The following MAN1A1 variants were observed in gnomAD, a reference collection of about 807,000 sequenced individuals.
MAN1A1 encodes the protein mannosidase alpha class 1A member 1.
A neutral mutation model predicts 70.8 loss-of-function variants in MAN1A1; 29 were observed. That is an observed-to-expected ratio of 0.41 (90% confidence interval 0.31 to 0.56). The LOEUF is 0.56. Among genes scored for constraint, MAN1A1 ranks in the 20% least tolerant of loss-of-function variants. MAN1A1 has a pLI of 0.29. For missense variants in MAN1A1, 747 were observed against 841.3 expected, an observed-to-expected ratio of 0.89 and a Z score of 1.39; for synonymous variants, 349 against 330.1, an observed-to-expected ratio of 1.06 and a Z score of -0.62.
At chr6:119,314,944 T>A (rs186435923) in intron 2 of MAN1A1, among the ~76,000 whole-genome samples, 315 of 152,302 alleles carry the variant, frequency 2.1e-3, no homozygotes, top group Non-Finnish European at 3.7e-3. Context: ...GGCCTGTCAC[T>A]AGATTTATGG....
chr6:119,348,342 A>C, intron 2 of MAN1A1, 121 bp downstream of exon 2: 1 of 981,916 alleles, frequency 1.0e-6, no homozygotes, highest in South Asian at 1.7e-5. Flanking sequence ...ACCTGGTGGA[A>C]GGGGCAAACC....
chr6:119,256,989 T>C (rs919617707), intron 5 of MAN1A1, among the ~76,000 whole-genome samples: 1 of 151,812 alleles, frequency 6.6e-6, no homozygotes, highest in African/African-American at 2.4e-5. Context: ...ATACAAACCA[T>C]AGGTAGAGAA....
intron 5 of MAN1A1, among the ~76,000 whole-genome samples, chr6:119,276,141 A>C (rs1394204106): frequency 1.3e-5 from 2 of 152,084 alleles, no homozygotes; most frequent in Non-Finnish European, 2.9e-5. Context: ...ATTTCCTCCA[A>C]ATCTTCCATG....
In MAN1A1 at chr6:119,324,411, T is replaced by TG. The variant is rs199511241; in HGVS notation, c.604-17420dup. ...GCAGTAGGCTATTGGTAGTTAAGTT[T>TG]GGGGGGGAATCGAAAGTTATACGCA... On this transcript the variant is annotated intron_variant, in intron 2 of 12. Coordinates refer to ENST00000368468, the MANE Select transcript of MAN1A1 (RefSeq NM_005907.4). 6.3e-3 allele frequency among the ~76,000 whole-genome samples: 956 copies of TG among 152,148 alleles called. 6 individuals are homozygous for TG. Among genetic ancestry groups the TG allele is most frequent in the African/African-American group, 0.022 (904 of 41,502 alleles).
At chr6:119,194,919 G>A (rs1554203157) in intron 8 of MAN1A1, among the ~76,000 whole-genome samples, 2 of 150,588 alleles carry the variant, frequency 1.3e-5, no homozygotes, top group African/African-American at 2.4e-5. Flanking sequence ...GGCAACCTCC[G>A]CCTCCCAGGT....
intron 6 of MAN1A1, 75 bp downstream of exon 6, chr6:119,248,185 T>G: frequency 2.1e-6 from 2 of 932,626 alleles, no homozygotes; most frequent in African/African-American, 1.7e-5. Flanking sequence ...TAATTATCTA[T>G]CTAATGTATA....
At chr6:119,202,928 G>T (rs962979827) in intron 7 of MAN1A1, among the ~76,000 whole-genome samples, 2 of 152,130 alleles carry the variant, frequency 1.3e-5, no homozygotes, top group African/African-American at 4.8e-5. Context: ...TGGTAATTAG[G>T]TTATGACGGT....
chr6:119,193,098 C>T (rs945082588), intron 9 of MAN1A1, among the ~76,000 whole-genome samples: 3 of 152,016 alleles, frequency 2.0e-5, no homozygotes, highest in South Asian at 2.1e-4. Flanking sequence ...AATTTTGGTT[C>T]GACATGTAAT....
chr6:119,331,570 CAT>C (rs10562938), intron 2 of MAN1A1, among the ~76,000 whole-genome samples: 24,983 of 117,832 alleles, frequency 0.21, 2,445 homozygotes, highest in South Asian at 0.26. Flanking sequence ...ACATATTATG[CAT>C]ATATATATAT....
At chr6:119,237,290 TAA>T (rs1406500556) in intron 6 of MAN1A1, among the ~76,000 whole-genome samples, 7 of 152,190 alleles carry the variant, frequency 4.6e-5, no homozygotes, top group African/African-American at 1.7e-4. Flanking sequence ...GAAAATGCCA[TAA>T]AAGAGTATCA....
chr6:119,298,185 C>T (rs182329654), intron 4 of MAN1A1, among the ~76,000 whole-genome samples: 3 of 152,204 alleles, frequency 2.0e-5, no homozygotes, highest in Non-Finnish European at 4.4e-5. Flanking sequence ...TTCATGGAGT[C>T]AATACTTAGG....
At chr6:119,312,230 A>G (rs1772729846) in intron 2 of MAN1A1, among the ~76,000 whole-genome samples, 1 of 152,148 alleles carries the variant, frequency 6.6e-6, no homozygotes, top group African/African-American at 2.4e-5. Flanking sequence ...TTAAAACTAC[A>G]CTTAGGGTTG....
chr6:119,305,362 G>T (rs1453875465), intron 3 of MAN1A1, among the ~76,000 whole-genome samples: 1 of 151,978 alleles, frequency 6.6e-6, no homozygotes, highest in East Asian at 1.9e-4. Flanking sequence ...AAGCAAAATG[G>T]AGTTATAATT....
At position 119,348,865 on chromosome 6, in the gene MAN1A1, C is replaced by G; in HGVS notation, c.201G>C (p.Lys67Asn). 1.3e-6 allele frequency: 2 copies of G among 1,530,390 alleles called. No individual in the cohort carries two copies. The highest frequency in any genetic ancestry group is 1.8e-6 in the Non-Finnish European group (2 of 1,140,708). The allele number at this position is 1,530,390 out of a possible 1,614,324, so 94.8% of individuals were successfully genotyped here. Reference sequence around the variant, plus strand: ...AGTGGAACAGGACCCCGCTGAGCAGCTTGGAGGAGTCTGGCAGGAAGAAGA... The same window carrying G: ...AGTGGAACAGGACCCCGCTGAGCAGGTTGGAGGAGTCTGGCAGGAAGAAGA... ...GAIFFLPDSS[K>N]LLSGVLFHSS... is the part of the protein sequence containing the mutation. The change falls in exon 2 of 13, where the codon AAG becomes AAC. Residue 67 changes from lysine to asparagine, a missense_variant. Lys to Asn is a moderately conservative substitution (Grantham distance 94, BLOSUM62 0). Around this residue, in one of 2 missense-constraint regions of MAN1A1, gnomAD observed 328 missense variants for 293.1 expected, o/e 1.12. Coordinates refer to ENST00000368468, the MANE Select transcript of MAN1A1 (RefSeq NM_005907.4).
intron 11 of MAN1A1, among the ~76,000 whole-genome samples, chr6:119,185,216 G>T (rs556482222): frequency 1.3e-5 from 2 of 152,240 alleles, no homozygotes; most frequent in East Asian, 1.9e-4. Flanking sequence ...AAAAGCAAAA[G>T]AAATTATCAG....
chr6:119,227,844 T>C (rs1036693831), intron 6 of MAN1A1, among the ~76,000 whole-genome samples: 4 of 152,176 alleles, frequency 2.6e-5, no homozygotes, highest in African/African-American at 9.6e-5. Context: ...TTTTTTCCCA[T>C]GAAAATTTTT....
intron 5 of MAN1A1, among the ~76,000 whole-genome samples, chr6:119,273,623 A>C (rs150883003): frequency 1.2e-4 from 19 of 152,172 alleles, no homozygotes; most frequent in Non-Finnish European, 2.5e-4. Context: ...AGATTCCCCA[A>C]TGCAGGATAA....
At chr6:119,195,075 C>A (rs572848407) in intron 8 of MAN1A1, among the ~76,000 whole-genome samples, 1 of 152,252 alleles carries the variant, frequency 6.6e-6, no homozygotes, top group South Asian at 2.1e-4. Flanking sequence ...TGATGATCTG[C>A]CTGCCTCAGC....
intron 5 of MAN1A1, among the ~76,000 whole-genome samples, chr6:119,273,824 A>C (rs1277485891): frequency 1.3e-5 from 2 of 152,130 alleles, no homozygotes; most frequent in Non-Finnish European, 2.9e-5. Context: ...GTTGGGGGAG[A>C]GGAGTCTAAG....
Sources: gnomAD v4.1 joint callset for allele counts (sites outside exome capture counted in the v4.1 genomes callset) on GRCh38, gnomAD v4.1.1 for gene constraint, gnomAD v4.1.1 regional missense constraint, MANE v1.5 for transcripts, NCBI Gene and HGNC (gene_info 2026-07-23, HGNC 2026-07-21) for gene names.